Variants in NF1 observed in about 807,000 individuals in gnomAD.
The protein encoded by NF1 is neurofibromin.
A neutral mutation model predicts 325.7 loss-of-function variants in NF1; 122 were observed. That is an observed-to-expected ratio of 0.37 (90% CI 0.32 to 0.44). The LOEUF (loss-of-function observed/expected upper bound fraction) is 0.44, where lower values mean the gene tolerates loss of function less well. NF1 is among the 20% of genes least tolerant of loss of function. The pLI, the probability that NF1 is intolerant of heterozygous loss-of-function variation, is 1.00. For missense variants in NF1, 2,140 were observed against 3,415.4 expected (o/e 0.63, Z 9.31); for synonymous variants, 1,091 against 1,186.0 (o/e 0.92, Z 1.65).
At chr17:31,253,660 T>C (rs2067531252) in intron 31 of NF1, 1 of 152,260 alleles carries the variant, frequency 6.6e-6, no homozygotes. Context: ...TCTGCAAACA[T>C]AATGTGAATA....
At position 31,214,513 on chromosome 17, in the gene NF1, G is replaced by A. The variant is rs2143959457; in HGVS notation, c.1455G>A (p.Glu485=). 6.2e-7 allele frequency: 1 copy of A among 1,609,936 alleles called. No individual in the cohort carries two copies. The highest frequency in any genetic ancestry group is 8.5e-7 in the Non-Finnish European group (1 of 1,176,698). Residue 485 remains glutamate (E), a synonymous_variant, in exon 13 of 58, where the codon GAG becomes GAA. Transcript: ENST00000358273. ...TTAAAGAAAAACCTACAGACCTGGA[G>A]ACAAGAAGCTATAAGTATCTTCTCT... The part of the protein sequence containing the change: ...LKFKEKPTDL[E]TRSYKYLLLS...
chr17:31,124,766 T>A (rs78064187), intron 1 of NF1, among the ~76,000 whole-genome samples: 1 of 150,518 alleles, frequency 6.6e-6, no homozygotes, highest in South Asian at 2.1e-4. Flanking sequence ...TGCGGGCTAA[T>A]TTTTTTTTGT....
intron 36 of NF1, among the ~76,000 whole-genome samples, chr17:31,323,001 C>T (rs550157438): frequency 6.6e-6 from 1 of 152,312 alleles, no homozygotes; most frequent in Admixed American, 6.5e-5. Flanking sequence ...TCATACCACC[C>T]TTTCTTTAAG....
At position 31,330,543 on chromosome 17, in the gene NF1, G is replaced by T. The variant is rs539710724; in HGVS notation, c.5812+45G>T. The T allele has an allele frequency of 3.3e-5, 46 of 1,384,752 alleles. No individual in the cohort carries two copies. In the South Asian group the frequency reaches 4.3e-4, roughly 13 times the overall value. The allele number at this position is 1,384,752 out of a possible 1,614,324, so 85.8% of individuals were successfully genotyped here. ...TTTAATACTAACAATTATTCTAAGA[G>T]AATTCAAAGAAAACCCTTTCATTTC... On this transcript the variant is annotated intron_variant, in intron 39 of 57. Transcript: ENST00000358273.
At chr17:31,226,953 C>T (rs1043218986) in intron 18 of NF1, among the ~76,000 whole-genome samples, 1 of 152,092 alleles carries the variant, frequency 6.6e-6, no homozygotes, top group Non-Finnish European at 1.5e-5. Flanking sequence ...ATTTACTCTG[C>T]CTAAGTTGTA....
At chr17:31,215,787 G>T (rs1342186483) in intron 13 of NF1, among the ~76,000 whole-genome samples, 1 of 152,190 alleles carries the variant, frequency 6.6e-6, no homozygotes, top group African/African-American at 2.4e-5. Flanking sequence ...TTTTTAAAAA[G>T]TGTTAAGGTG....
chr17:31,365,589 G>A lies in NF1; in HGVS notation c.8377+4886G>A, dbSNP rs1376266850. Among the ~76,000 whole-genome samples, 5 of 152,070 alleles carry A rather than the reference G, an allele frequency of 3.3e-5. No homozygotes were observed. In the South Asian group the frequency reaches 6.2e-4, roughly 19 times the overall value. ...TTAAATACAAGATTAATACTATAGT[G>A]CACTGTAGAAAATACCAAAATTCCA... On this transcript the variant is annotated intron_variant, in intron 57 of 57. Transcript: ENST00000358273.
rs762164628 is a variant in NF1 at position 31,232,167 on chromosome 17, G to C, written c.3292G>C (p.Ala1098Pro). Residue 1098 changes from alanine to proline, a missense_variant, in exon 25 of 58, where the codon GCC (alanine) becomes CCC (proline). Ala to Pro is a conservative substitution (Grantham distance 27, BLOSUM62 -1). This residue lies in a region of NF1 where 380 missense variants were observed against 639.3 expected (regional missense o/e 0.59). Transcript: ENST00000358273. ...AGGAGATGGTGTGGAATTGATGGAAGCCAAATCACAGTTATTTCTTAAGTA... is the reference window on the plus strand; with the variant it reads ...AGGAGATGGTGTGGAATTGATGGAACCCAAATCACAGTTATTTCTTAAGTA... ...EEGDGVELME[A>P]KSQLFLKYFT... is the part of the protein sequence containing the mutation. 6.2e-7 allele frequency: 1 copy of C among 1,604,912 alleles called. No homozygotes were observed. The highest frequency in any genetic ancestry group is 1.1e-5 in the South Asian group (1 of 90,790).
At position 31,206,270 on chromosome 17, in the gene NF1, G is replaced by A. The variant is rs2066619337; in HGVS notation, c.1291G>A (p.Ala431Thr). 6.2e-7 allele frequency: 1 copy of A among 1,613,870 alleles called. No individual in the cohort carries two copies. The highest frequency in any genetic ancestry group is 8.5e-7 in the Non-Finnish European group (1 of 1,179,786). Residue 431 changes from alanine to threonine, a missense_variant, in exon 12 of 58, where the codon GCT becomes ACT. By Grantham distance (58) the Ala-to-Thr change is moderately conservative. Coordinates refer to ENST00000358273, the MANE Select transcript of NF1 (RefSeq NM_001042492.3). ...ATTGGATTGGTGGCCTAAGATTGATGCTGTGTATTGTCACTCGGTTGAACT... is the reference window on the plus strand; with the variant it reads ...ATTGGATTGGTGGCCTAAGATTGATACTGTGTATTGTCACTCGGTTGAACT... ...SALDWWPKID[A>T]VYCHSVELRN...
chr17:31,155,954 A>G (rs2143624422), intron 1 of NF1, 29 bp from the exon 2 acceptor site: 1 of 1,606,930 alleles, frequency 6.2e-7, no homozygotes, highest in Non-Finnish European at 8.5e-7. Context: ...ATAAGCTGTT[A>G]ACGTGTTTTT....
intron 36 of NF1, chr17:31,305,410 G>A (rs929602758): frequency 6.2e-7 from 1 of 1,614,074 alleles, no homozygotes; most frequent in African/African-American, 1.3e-5. Flanking sequence ...TGATTGTCCA[G>A]AAAAAGTGTC....
Position 31,356,172 on chromosome 17 carries a change from G to T in NF1, c.7616-288G>T, listed in dbSNP as rs17879350. The T allele has an allele frequency of 0.029, 9,659 of 331,712 alleles. 212 individuals are homozygous for T. The highest frequency in any genetic ancestry group is 0.038 in the Non-Finnish European group (6,649 of 173,290). The allele number at this position is 331,712 out of a possible 1,614,324, so 20.5% of individuals were successfully genotyped here. On this transcript the variant is annotated intron_variant, in intron 51 of 57. Transcript: ENST00000358273. The stretch of plus-strand genomic sequence containing the variant: ...TTTATTATCAGTTATCATATTTGTT[G>T]ATTTACCTCCAGTGTAGTTTGGTTT...
chr17:31,159,337 T>G (rs2065723163), intron 3 of NF1, among the ~76,000 whole-genome samples: 1 of 152,224 alleles, frequency 6.6e-6, no homozygotes, highest in African/African-American at 2.4e-5. Flanking sequence ...TTCAGCCACG[T>G]ATCTGTCTCT....
intron 8 of NF1, among the ~76,000 whole-genome samples, chr17:31,190,090 A>C (rs1276106574): frequency 0.018 from 538 of 30,578 alleles, 5 homozygotes; most frequent in African/African-American, 0.027. Flanking sequence ...AATGTATTAC[A>C]AAAAAAAAAA....
intron 1 of NF1, among the ~76,000 whole-genome samples, chr17:31,124,221 T>A (rs1914672066): frequency 6.6e-6 from 1 of 152,100 alleles, no homozygotes; most frequent in Non-Finnish European, 1.5e-5. Flanking sequence ...TTTTAAATTT[T>A]ATTTTTTATT....
chr17:31,364,112 C>T (rs972753179), intron 57 of NF1, among the ~76,000 whole-genome samples: 1 of 152,214 alleles, frequency 6.6e-6, no homozygotes, highest in East Asian at 1.9e-4. Context: ...ATTCCTAACT[C>T]AGTCTGGCGT....
At chr17:31,340,107 A>G (rs1396891927) in intron 46 of NF1, among the ~76,000 whole-genome samples, 1 of 152,226 alleles carries the variant, frequency 6.6e-6, no homozygotes, top group Non-Finnish European at 1.5e-5. Context: ...GGTAGTGTGC[A>G]CAGTGGATTG....
chr17:31,295,568 G>T (rs1433297578), intron 36 of NF1: 1 of 1,614,098 alleles, frequency 6.2e-7, no homozygotes, highest in Non-Finnish European at 8.5e-7. Context: ...TATTTGGGTA[G>T]AACATGGAGT....
intron 36 of NF1, among the ~76,000 whole-genome samples, chr17:31,291,657 T>G (rs2068345367): frequency 6.6e-6 from 1 of 152,192 alleles, no homozygotes; most frequent in Non-Finnish European, 1.5e-5. Flanking sequence ...TTGACTGACA[T>G]TTTTGGTATT....
Sources: gnomAD v4.1 joint callset for allele counts (sites outside exome capture counted in the v4.1 genomes callset) on GRCh38, gnomAD v4.1.1 for gene constraint, gnomAD v4.1.1 regional missense constraint, MANE v1.5 for transcripts, NCBI Gene and HGNC (gene_info 2026-07-23, HGNC 2026-07-21) for gene names.